The following VPS8 variants were observed in gnomAD, a reference collection of about 807,000 sequenced individuals.
VPS8 encodes the protein VPS8 subunit of CORVET complex.
In VPS8, 129 loss-of-function variants were observed where a neutral mutation model predicts 216.4. The ratio of observed to expected loss-of-function variants is 0.60; its 90% confidence interval spans 0.52 to 0.69. The LOEUF (loss-of-function observed/expected upper bound fraction) is 0.69. Among genes scored for constraint, VPS8 ranks in the 30% least tolerant of loss-of-function variants. The pLI is 0.00. For synonymous variants in VPS8, 571 were observed against 565.4 expected (o/e 1.01, Z -0.14); for missense variants, 1,531 against 1,683.5 (o/e 0.91, Z 1.59).
chr3:184,928,458 T>A lies in VPS8; in HGVS notation c.2639T>A (p.Leu880Ter). Reference protein sequence around the residue: ...SRHSERQQVLLELLQAGGIVQ... With the variant: ...SRHSERQQVL The stretch of plus-strand genomic sequence containing the variant: ...TTTATTGTAAATACTCAGGTCCTTT[T>A]AGAATTGCTGCAGGCTGGAGGCATA... Residue 880 changes from leucine (L) to a stop codon, truncating the protein, a stop_gained, in exon 32 of 48, where the codon TTA (leucine) becomes TAA (stop). Coordinates refer to ENST00000625842, the MANE Select transcript of VPS8 (RefSeq NM_001009921.3). LOFTEE classifies it high-confidence loss of function. 1 of 1,531,662 alleles carries A rather than the reference T, an allele frequency of 6.5e-7. No individual in the cohort carries two copies. The highest frequency in any genetic ancestry group is 8.7e-7 in the Non-Finnish European group (1 of 1,151,754). 94.9% of individuals were successfully genotyped at this position (1,531,662 alleles called of 1,614,324 possible).
rs1727425939 is a variant in VPS8, at chr3:184,866,726, A to C, written c.1396-150A>C. On this transcript the variant is annotated intron_variant, in intron 16 of 47. Coordinates refer to ENST00000625842, the MANE Select transcript of VPS8 (RefSeq NM_001009921.3). ...TACAGTATATGCCAAATATTATTTA[A>C]ATGTAGACTGAGATAAGTTACACAT... 7.3e-6 allele frequency: 5 copies of C among 684,568 alleles called. No individual in the cohort carries two copies. In the Admixed American group the frequency reaches 9.2e-5, roughly 13 times the overall value. The allele number at this position is 684,568 out of a possible 1,614,324, so 42.4% of individuals were successfully genotyped here.
chr3:185,028,896 A>G (rs1181285116), intron 46 of VPS8, among the ~76,000 whole-genome samples: 1 of 152,232 alleles, frequency 6.6e-6, no homozygotes, highest in Non-Finnish European at 1.5e-5. Flanking sequence ...TCGTTGTTGA[A>G]TGAATGAGAG....
At chr3:185,018,570 C>T (rs188440171) in intron 45 of VPS8, among the ~76,000 whole-genome samples, 4 of 152,328 alleles carry the variant, frequency 2.6e-5, no homozygotes, top group Non-Finnish European at 2.9e-5. Flanking sequence ...ATTGTAAGAA[C>T]TGAGCAGGAG....
At chr3:185,005,625 T>TTTTATTTATTTA (rs58712087) in intron 45 of VPS8, among the ~76,000 whole-genome samples, 1,983 of 150,306 alleles carry the variant, frequency 0.013, 45 homozygotes, top group African/African-American at 0.045. Context: ...ATTTTATTTA[T>TTTTATTTATTTA]TTTATTTATT....
intron 46 of VPS8, among the ~76,000 whole-genome samples, chr3:185,047,845 G>A (rs534308030): frequency 5.9e-5 from 9 of 152,172 alleles, no homozygotes; most frequent in Middle Eastern, 3.4e-3. Context: ...AAAGCTTATG[G>A]CCGCCTCCCC....
rs903418942 is a variant in VPS8 at position 184,888,132 on chromosome 3, C to T, written c.1781+1976C>T. Among the ~76,000 whole-genome samples the T allele has an allele frequency of 9.2e-5, 14 of 152,020 alleles. No homozygotes were observed. In the East Asian group the frequency reaches 1.4e-3, roughly 15 times the overall value. ...CCTCCCAGGTAGCTGGGACTACAGG[C>T]GCCCGCCACCATGCCCGGCTAATTT... On this transcript the variant is annotated intron_variant, in intron 22 of 47. Coordinates refer to ENST00000625842, the MANE Select transcript of VPS8 (RefSeq NM_001009921.3).
At chr3:184,913,491 G>A in intron 25 of VPS8, 28 bp from the exon 26 acceptor site, 2 of 1,557,378 alleles carry the variant, frequency 1.3e-6, no homozygotes, top group East Asian at 4.6e-5. Flanking sequence ...AGAGAAAATT[G>A]CTGAAGATAC....
chr3:184,952,104 AATACCAACAATGTG>A (rs1744801067), intron 36 of VPS8, among the ~76,000 whole-genome samples: 1 of 152,230 alleles, frequency 6.6e-6, no homozygotes, highest in South Asian at 2.1e-4. Context: ...ATGTAAATGA[AATACCAACAATGTG>A]GCATAAAACA....
At position 184,868,999 on chromosome 3, in the gene VPS8, G is replaced by T; in HGVS notation, c.1560G>T (p.Ala520=). 6.2e-7 allele frequency: 1 copy of T among 1,610,464 alleles called. No individual in the cohort carries two copies. The highest frequency in any genetic ancestry group is 8.5e-7 in the Non-Finnish European group (1 of 1,178,456). The part of the protein sequence containing the change: ...QDCLTEALAL[A]WSFHEGKAKA... The stretch of plus-strand genomic sequence containing the variant: ...GTCTTACAGAAGCGTTGGCTCTTGC[G>T]TGGTCTTTCCATGAAGGAAAAGCAA... The change falls in exon 19 of 48, where the codon GCG becomes GCT. Residue 520 remains alanine, a synonymous_variant. Coordinates refer to ENST00000625842, the MANE Select transcript of VPS8 (RefSeq NM_001009921.3).
intron 29 of VPS8, among the ~76,000 whole-genome samples, chr3:184,921,091 T>C (rs1482706851): frequency 1.3e-5 from 2 of 152,210 alleles, no homozygotes; most frequent in Non-Finnish European, 2.9e-5. Flanking sequence ...TTCCCAGTCT[T>C]GTCCTCCTTT....
intron 40 of VPS8, among the ~76,000 whole-genome samples, chr3:184,973,216 A>T (rs772244797): frequency 6.6e-6 from 1 of 152,216 alleles, no homozygotes; most frequent in East Asian, 1.9e-4. Flanking sequence ...TTTTTAAATT[A>T]AAATATATTC....
At chr3:184,866,739 A>G (rs1347496048) in intron 16 of VPS8, 137 bp from the exon 17 acceptor site, 4 of 741,268 alleles carry the variant, frequency 5.4e-6, no homozygotes, top group Non-Finnish European at 8.6e-6. Context: ...GTAGACTGAG[A>G]TAAGTTACAC....
intron 32 of VPS8, among the ~76,000 whole-genome samples, chr3:184,929,120 C>T (rs6444003): frequency 0.032 from 4,803 of 152,172 alleles, 265 homozygotes; most frequent in African/African-American, 0.11. Flanking sequence ...TAAAGGTTAA[C>T]GGCAAATACT....
At chr3:184,931,113 A>G (rs1740606133) in intron 34 of VPS8, among the ~76,000 whole-genome samples, 3 of 152,186 alleles carry the variant, frequency 2.0e-5, no homozygotes, top group Admixed American at 6.5e-5. Context: ...CAAATAGACT[A>G]CTTGCGTGAT....
intron 23 of VPS8, among the ~76,000 whole-genome samples, chr3:184,896,116 GAA>G (rs1733425699): frequency 6.6e-6 from 1 of 152,032 alleles, no homozygotes; most frequent in African/African-American, 2.4e-5. Flanking sequence ...TTTATTTCTG[GAA>G]GCTCTTTATG....
At chr3:184,901,184 G>A (rs918439552) in intron 25 of VPS8, 2 of 527,186 alleles carry the variant, frequency 3.8e-6, no homozygotes, top group Non-Finnish European at 6.7e-6. Flanking sequence ...TTTCCCCACA[G>A]CCCTGCTCTG....
intron 7 of VPS8, among the ~76,000 whole-genome samples, chr3:184,841,371 T>C (rs1343183210): frequency 6.6e-6 from 1 of 152,256 alleles, no homozygotes; most frequent in Non-Finnish European, 1.5e-5. Context: ...TTAATGAATA[T>C]CTTTCCATGC....
At chr3:184,853,630 T>A (rs1724710933) in intron 11 of VPS8, among the ~76,000 whole-genome samples, 1 of 152,168 alleles carries the variant, frequency 6.6e-6, no homozygotes, top group Non-Finnish European at 1.5e-5. Context: ...GGAAAGAGTT[T>A]GGATTTTATT....
intron 3 of VPS8, among the ~76,000 whole-genome samples, chr3:184,827,961 A>AG (rs1719153417): frequency 1.3e-5 from 2 of 152,288 alleles, no homozygotes; most frequent in South Asian, 4.1e-4. Context: ...GAAGACGATA[A>AG]GGGGGCTGTG....
Sources: allele counts gnomAD v4.1 joint callset (sites outside exome capture counted in the v4.1 genomes callset), GRCh38; gene constraint gnomAD v4.1.1; transcripts MANE v1.5; gene names NCBI Gene and HGNC (gene_info 2026-07-23, HGNC 2026-07-21).